NECAB3: variants seen among roughly 807,000 people sequenced by gnomAD.
The protein encoded by NECAB3 is N-terminal EF-hand calcium binding protein 3.
NECAB3 carries 38 observed loss-of-function variants against 57.2 expected under a neutral mutation model. The observed-to-expected ratio is 0.66, with a 90% confidence interval of 0.51 to 0.87. The LOEUF is 0.87. Among genes scored for constraint, NECAB3 ranks in the 40% least tolerant of loss-of-function variants. The pLI is 0.00. For missense variants in NECAB3, 474 were observed against 527.5 expected, an observed-to-expected ratio of 0.90 and a Z score of 0.99; for synonymous variants, 223 against 222.6, an observed-to-expected ratio of 1.00 and a Z score of -0.02.
chr20:33,666,278 C>CATCAGA (rs1310424166), intron 5 of NECAB3, among the ~76,000 whole-genome samples: 1 of 152,114 alleles, frequency 6.6e-6, no homozygotes, highest in African/African-American at 2.4e-5. Flanking sequence ...TCAGATAATT[C>CATCAGA]TAAGTGGTTT....
intron 5 of NECAB3, chr20:33,662,811 G>A (rs2017522832): frequency 3.7e-6 from 1 of 266,840 alleles, no homozygotes; most frequent in South Asian, 4.1e-5. Flanking sequence ...GGTGGTGAAT[G>A]CCCGCAGTCC....
rs1356092173 is a variant in NECAB3, at chr20:33,657,695, G to A, written c.*134C>T. ...GCAAGCAGCCCAGTCCCTGATCCCTGGGCTGAGAGCCCTTCCACCAGGCCC... is the reference window on the plus strand; with the variant it reads ...GCAAGCAGCCCAGTCCCTGATCCCTAGGCTGAGAGCCCTTCCACCAGGCCC... On this transcript the variant is annotated 3_prime_UTR_variant, in exon 12 of 12. Coordinates refer to ENST00000246190, the MANE Select transcript of NECAB3 (RefSeq NM_031232.4). 7.0e-6 allele frequency: 6 copies of A among 856,786 alleles called. No homozygotes were observed. The South Asian group carries it at 1.2e-4, about 17-fold the overall frequency. The allele number at this position is 856,786 out of a possible 1,614,324, so 53.1% of individuals were successfully genotyped here. A position where few individuals can be genotyped will look rare whatever the true frequency, so the allele number is the denominator to read the frequency against.
intron 8 of NECAB3, 38 bp from the exon 9 acceptor site, chr20:33,658,872 G>T: frequency 7.4e-6 from 11 of 1,494,600 alleles, no homozygotes; most frequent in Non-Finnish European, 1.0e-5. Context: ...GTGCGGGGCC[G>T]GGCACAGGGG....
At position 33,660,352 on chromosome 20, in the gene NECAB3, A is replaced by C. The variant is rs1386094607; in HGVS notation, c.431T>G (p.Phe144Cys). 6.8e-6 allele frequency: 11 copies of C among 1,613,652 alleles called. No individual in the cohort carries two copies. The highest frequency in any genetic ancestry group is 8.5e-6 in the Non-Finnish European group (10 of 1,179,996). ...ASKVDQFVTR[F>C]LLRETVSQLQ... ...CTGGCTCACCGTCTCCCGCAGCAGG[A>C]AGCGCGTCACAAACTGGTCCACTTT... is the stretch of plus-strand genomic sequence containing the variant. Residue 144 changes from phenylalanine to cysteine, a missense_variant, in exon 6 of 12, where the codon TTC becomes TGC. By Grantham distance (205) the Phe-to-Cys change is radical. Transcript: ENST00000246190. This position sits in a 1 kb window ranked among gnomAD's most constrained non-coding sequence, Gnocchi z 4.1.
intron 2 of NECAB3, chr20:33,671,923 C>T (rs1445190583): frequency 1.2e-5 from 2 of 165,726 alleles, no homozygotes; most frequent in Non-Finnish European, 2.6e-5. Context: ...CCAAAAAGGC[C>T]TCATCTCCAT....
intron 3 of NECAB3, 99 bp downstream of exon 3, chr20:33,670,585 C>T: frequency 1.2e-6 from 1 of 828,818 alleles, no homozygotes; most frequent in Non-Finnish European, 1.9e-6. Context: ...TCCCTGCCCC[C>T]TCTTCCTCAT....
At chr20:33,668,168 G>A (rs1232027036) in intron 5 of NECAB3, 19 of 1,612,350 alleles carry the variant, frequency 1.2e-5, no homozygotes, top group Non-Finnish European at 1.4e-5. Flanking sequence ...TCCTTCCAGC[G>A]CCGCTGGATA....
intron 5 of NECAB3, chr20:33,663,584 C>A: frequency 6.2e-7 from 1 of 1,611,492 alleles, no homozygotes; most frequent in Non-Finnish European, 8.5e-7. Context: ...CTGGCCAACG[C>A]TGGGCAACGG....
At chr20:33,667,933 C>T (rs371621544) in intron 5 of NECAB3, 4 of 1,558,132 alleles carry the variant, frequency 2.6e-6, no homozygotes, top group South Asian at 2.3e-5. Flanking sequence ...GCTGGCCTTC[C>T]GGGCGCTGCA....
chr20:33,661,716 T>A (rs1325591100), intron 5 of NECAB3, among the ~76,000 whole-genome samples: 2 of 152,196 alleles, frequency 1.3e-5, no homozygotes, highest in Non-Finnish European at 2.9e-5. Context: ...AGCGGCATGA[T>A]CTTGGCTCAC....
rs574346648 is a variant in NECAB3 at position 33,673,692 on chromosome 20, G to A, written c.129+532C>T. ...GGCATGAGGGGGCCAGGACAGAGCC[G>A]AGCACAGCGGTGAACGGTGGAGAAA... On this transcript the variant is annotated intron_variant, in intron 1 of 11. Coordinates refer to ENST00000246190, the MANE Select transcript of NECAB3 (RefSeq NM_031232.4). Among the ~76,000 whole-genome samples, 19 of 152,218 alleles carry A rather than the reference G, an allele frequency of 1.2e-4. No homozygotes were observed. The East Asian group carries it at 1.6e-3, about 12-fold the overall frequency.
At position 33,657,814 on chromosome 20, in the gene NECAB3, G is replaced by C; in HGVS notation, c.*15C>G. ...CAGGCAGGGTCCCGGGGCCCTCGGC[G>C]TGTGCAGGTCTGGCTCAGTTGTTAT... On this transcript the variant is annotated 3_prime_UTR_variant, in exon 12 of 12. Coordinates refer to ENST00000246190, the MANE Select transcript of NECAB3 (RefSeq NM_031232.4). 6.6e-7 allele frequency: 1 copy of C among 1,526,668 alleles called. No homozygotes were observed. Among genetic ancestry groups the C allele is most frequent in the Non-Finnish European group, 8.8e-7 (1 of 1,133,084 alleles). 94.6% of individuals were successfully genotyped at this position (1,526,668 alleles called of 1,614,324 possible).
Position 33,672,440 on chromosome 20 carries a change from A to G in NECAB3, c.130-18T>C, listed in dbSNP as rs200450865. On this transcript the variant is annotated intron_variant, in intron 1 of 11. Coordinates refer to ENST00000246190, the MANE Select transcript of NECAB3 (RefSeq NM_031232.4). ...CGGAAAACCTAGAGGACAAAGGGACATAGAGAGAACTGTGAGTGCCACCTG... is the reference window on the plus strand; with the variant it reads ...CGGAAAACCTAGAGGACAAAGGGACGTAGAGAGAACTGTGAGTGCCACCTG... 6.2e-7 allele frequency: 1 copy of G among 1,614,102 alleles called. No individual in the cohort carries two copies. Among genetic ancestry groups the G allele is most frequent in the African/African-American group, 1.3e-5 (1 of 75,066 alleles).
rs778307203 is a variant in NECAB3, at chr20:33,659,561, A to G, written c.815T>C (p.Val272Ala). The part of the protein sequence containing the change: ...GPCWRPGPHS[V>A]PSQAPRLEPL... ...TTCCAGCCGGGGGGCCTGTGAGGGC[A>G]CAGAGTGTGGGCCGGGCCTCCAGCA... is the stretch of plus-strand genomic sequence containing the variant. Residue 272 changes from valine to alanine, a missense_variant, in exon 8 of 12, where the codon GTG becomes GCG. Transcript: ENST00000246190. 5 of 1,578,970 alleles carry G rather than the reference A, an allele frequency of 3.2e-6. No individual in the cohort carries two copies. In the African/African-American group the frequency reaches 6.7e-5, roughly 21 times the overall value.
Position 33,669,287 on chromosome 20 carries a change from C to T in NECAB3, c.387+88G>A, listed in dbSNP as rs771361995. 2.1e-6 allele frequency: 3 copies of T among 1,405,202 alleles called. No individual in the cohort carries two copies. The Admixed American group carries it at 5.1e-5, about 24-fold the overall frequency. 87.0% of individuals were successfully genotyped at this position (1,405,202 alleles called of 1,614,324 possible). On this transcript the variant is annotated intron_variant, in intron 5 of 11. Transcript: ENST00000246190. ...TGAACCCAAGCCCCTAGCTCTATAA[C>T]CCTGAGTCAAGACTGTGGAGGATCC...
At chr20:33,671,193 C>T (rs569555962) in intron 2 of NECAB3, among the ~76,000 whole-genome samples, 11 of 152,292 alleles carry the variant, frequency 7.2e-5, no homozygotes, top group African/African-American at 2.6e-4. Context: ...TCTCTGGACC[C>T]AGGACCTTCA....
At position 33,660,416 on chromosome 20, in the gene NECAB3, G is replaced by A; in HGVS notation, c.388-21C>T. ...TACTCCTGTGGGCCAAGGAGGGACG[G>A]TCAGCATCTCCCAGCCCGGGCACTG... On this transcript the variant is annotated intron_variant, in intron 5 of 11. Transcript: ENST00000246190. This position sits in a 1 kb window ranked among gnomAD's most constrained non-coding sequence, Gnocchi z 4.1. 2 of 1,610,170 alleles carry A rather than the reference G, an allele frequency of 1.2e-6. No individual in the cohort carries two copies. Among genetic ancestry groups the A allele is most frequent in the Non-Finnish European group, 1.7e-6 (2 of 1,177,438 alleles).
chr20:33,667,993 G>C (rs1476447106), intron 5 of NECAB3: 6 of 1,546,924 alleles, frequency 3.9e-6, no homozygotes, highest in Non-Finnish European at 5.2e-6. Context: ...CGTGGTGCTA[G>C]CCGGCGGCTC....
intron 5 of NECAB3, chr20:33,662,314 G>C: frequency 6.5e-7 from 1 of 1,549,534 alleles, no homozygotes; most frequent in East Asian, 2.4e-5. Flanking sequence ...ACGGAGTGTG[G>C]GCCATCGTCC....
Sources: gnomAD v4.1 joint callset for allele counts (sites outside exome capture counted in the v4.1 genomes callset) on GRCh38, gnomAD v4.1.1 for gene constraint, Gnocchi (gnomAD v3.1) non-coding constraint, MANE v1.5 for transcripts, NCBI Gene and HGNC (gene_info 2026-07-23, HGNC 2026-07-21) for gene names.